ACACA: variants seen among roughly 807,000 people sequenced by gnomAD.
The protein encoded by ACACA is acetyl-CoA carboxylase 1.
Under a neutral mutation model 296.1 loss-of-function variants are expected in ACACA, and 103 were observed. The ratio of observed to expected loss-of-function variants is 0.35; its 90% CI spans 0.30 to 0.41. The LOEUF is 0.41. ACACA is among the 10% of genes least tolerant of loss of function. The pLI is 1.00. For synonymous variants in ACACA, 953 were observed against 1,038.6 expected (o/e 0.92, Z 1.58); for missense variants, 1,554 against 2,989.7 (o/e 0.52, Z 11.20).
chr17:37,305,481 C>A (rs1436236734), intron 3 of ACACA, among the ~76,000 whole-genome samples: 1 of 152,120 alleles, frequency 6.6e-6, no homozygotes, highest in Admixed American at 6.6e-5. Context: ...AGGCTTTTAT[C>A]CTCTGTTTAT....
chr17:37,339,659 T>G, intron 2 of ACACA, 145 bp downstream of exon 2: 1 of 611,894 alleles, frequency 1.6e-6, no homozygotes, highest in Non-Finnish European at 2.9e-6. Context: ...TTAGACTCTT[T>G]GTTCACTTCA....
chr17:37,317,720 A>T (rs1476568274), intron 3 of ACACA, among the ~76,000 whole-genome samples: 1 of 152,224 alleles, frequency 6.6e-6, no homozygotes, highest in East Asian at 1.9e-4. Context: ...TTGAAATAAT[A>T]AAAGTAATAA....
chr17:37,100,584 A>G (rs1384952387), intron 52 of ACACA, among the ~76,000 whole-genome samples: 1 of 151,568 alleles, frequency 6.6e-6, no homozygotes, highest in Non-Finnish European at 1.5e-5. Flanking sequence ...ATACTTGACA[A>G]TGAATTTCAA....
At chr17:37,338,266 T>A (rs942794692) in intron 2 of ACACA, among the ~76,000 whole-genome samples, 42 of 133,734 alleles carry the variant, frequency 3.1e-4, no homozygotes, top group Non-Finnish European at 4.6e-4. Flanking sequence ...ACAAAAAAAA[T>A]TTGCTGTCTA....
rs9915088 is a variant in ACACA, at chr17:37,163,549, C to T, written c.5080-1499G>A. Reference sequence around the variant, plus strand: ...ACACAAGGAAGCAGAAAAAGGATGACGTCTCACGGACTGTACACTTTTCAT... The same window carrying T: ...ACACAAGGAAGCAGAAAAAGGATGATGTCTCACGGACTGTACACTTTTCAT... On this transcript the variant is annotated intron_variant, in intron 41 of 55. Transcript: ENST00000616317. Among the ~76,000 whole-genome samples the T allele has an allele frequency of 9.7e-3, 1,481 of 152,256 alleles. 22 individuals carry two copies. The highest frequency in any genetic ancestry group is 0.034 in the African/African-American group (1,409 of 41,518).
intron 49 of ACACA, among the ~76,000 whole-genome samples, 172 bp from the exon 50 acceptor site, chr17:37,121,662 G>C (rs989496402): frequency 6.6e-6 from 1 of 152,150 alleles, no homozygotes; most frequent in Non-Finnish European, 1.5e-5. Flanking sequence ...AAGGATCCTC[G>C]ATCTTTGACC....
intron 55 of ACACA, among the ~76,000 whole-genome samples, chr17:37,087,710 A>G (rs569854012): frequency 6.6e-6 from 1 of 152,378 alleles, no homozygotes; most frequent in South Asian, 2.1e-4. Context: ...TCACAAAGAC[A>G]GCAATTGGGG....
intron 14 of ACACA, among the ~76,000 whole-genome samples, chr17:37,254,785 A>T (rs906928577): frequency 3.9e-5 from 6 of 152,000 alleles, no homozygotes; most frequent in Non-Finnish European, 7.4e-5. Context: ...GGAATTCGAG[A>T]CCAGCCTGGC....
intron 1 of ACACA, among the ~76,000 whole-genome samples, chr17:37,343,495 A>C (rs1166420863): frequency 6.6e-6 from 1 of 151,972 alleles, no homozygotes; most frequent in Non-Finnish European, 1.5e-5. Context: ...GGCCGGGTGC[A>C]GTGGCTCATG....
At chr17:37,258,498 C>G (rs1438029984) in intron 12 of ACACA, 125 bp from the exon 13 acceptor site, 2 of 880,680 alleles carry the variant, frequency 2.3e-6, no homozygotes, top group South Asian at 3.1e-5. Flanking sequence ...ATTTTTATAA[C>G]CTGTATTCTA....
intron 35 of ACACA, among the ~76,000 whole-genome samples, chr17:37,193,659 A>G (rs535425366): frequency 2.8e-4 from 43 of 152,106 alleles, no homozygotes; most frequent in East Asian, 2.3e-3. Flanking sequence ...CTCCCAGGGG[A>G]AAAAAAATGT....
At chr17:37,239,975 G>A (rs2080310254) in intron 24 of ACACA, among the ~76,000 whole-genome samples, 1 of 152,158 alleles carries the variant, frequency 6.6e-6, no homozygotes, top group South Asian at 2.1e-4. Flanking sequence ...ACACTTAAGA[G>A]ACAATTTATC....
intron 1 of ACACA, among the ~76,000 whole-genome samples, chr17:37,355,855 T>G (rs2049116852): frequency 6.9e-6 from 1 of 144,034 alleles, no homozygotes; most frequent in Non-Finnish European, 1.5e-5. Context: ...TGAAACTCTG[T>G]CTCAAATAAA....
At chr17:37,237,227 T>C (rs1234264364) in intron 24 of ACACA, among the ~76,000 whole-genome samples, 1 of 152,214 alleles carries the variant, frequency 6.6e-6, no homozygotes, top group Non-Finnish European at 1.5e-5. Context: ...TAGTAATCCA[T>C]GGTAGGAATA....
chr17:37,237,634 A>G (rs2080175898), intron 24 of ACACA, among the ~76,000 whole-genome samples: 6 of 152,158 alleles, frequency 3.9e-5, no homozygotes, highest in Admixed American at 2.6e-4. Flanking sequence ...ATATCTTTCT[A>G]TATCTTTTGC....
At chr17:37,397,907 T>C (rs1295280922) in intron 1 of ACACA, among the ~76,000 whole-genome samples, 1 of 151,976 alleles carries the variant, frequency 6.6e-6, no homozygotes, top group Non-Finnish European at 1.5e-5. Context: ...CTGCATCCTC[T>C]GAAAAAAGGC....
chr17:37,385,004 T>A (rs1255932908), intron 1 of ACACA, among the ~76,000 whole-genome samples: 1 of 151,948 alleles, frequency 6.6e-6, no homozygotes, highest in Non-Finnish European at 1.5e-5. Context: ...TGGAGACGAG[T>A]GAGGTTATTT....
intron 25 of ACACA, among the ~76,000 whole-genome samples, chr17:37,228,206 C>CTTTTT (rs11299899): frequency 5.7e-5 from 6 of 106,054 alleles, no homozygotes; most frequent in Non-Finnish European, 1.1e-4. Flanking sequence ...TTCTCAAACC[C>CTTTTT]TTTTTTTTTT....
chr17:37,326,000 G>T (rs1256097427), intron 3 of ACACA, among the ~76,000 whole-genome samples: 1 of 151,370 alleles, frequency 6.6e-6, no homozygotes, highest in Non-Finnish European at 1.5e-5. Flanking sequence ...CTGAGATCAG[G>T]AGTTCAAGAC....
Sources: gnomAD v4.1 joint callset for allele counts (sites outside exome capture counted in the v4.1 genomes callset) on GRCh38, gnomAD v4.1.1 for gene constraint, MANE v1.5 for transcripts, NCBI Gene and HGNC (gene_info 2026-07-23, HGNC 2026-07-21) for gene names.